The following SYNJ2BP variants were observed in gnomAD, a reference collection of about 807,000 sequenced individuals.
SYNJ2BP encodes the protein synaptojanin-2-binding protein.
In SYNJ2BP, 10 loss-of-function variants were observed where a neutral mutation model predicts 16.9. The observed-to-expected ratio is 0.59, with a 90% confidence interval of 0.36 to 1.00. The LOEUF (loss-of-function observed/expected upper bound fraction) is 1.00. Ranked by LOEUF, SYNJ2BP falls within the 50% of genes least tolerant of loss-of-function variation. SYNJ2BP has a pLI of 0.01. For missense variants in SYNJ2BP, 162 were observed against 186.7 expected, an observed-to-expected ratio of 0.87 and a Z score of 0.77; for synonymous variants, 54 against 68.4, an observed-to-expected ratio of 0.79 and a Z score of 1.04.
chr14:70,385,512 C>T (rs556070070), intron 2 of SYNJ2BP, among the ~76,000 whole-genome samples: 3 of 151,892 alleles, frequency 2.0e-5, no homozygotes, highest in African/African-American at 4.8e-5. Context: ...GCGCGTGCAC[C>T]AAGGCGCGTG....
At chr14:70,390,612 G>A (rs1199228314) in intron 1 of SYNJ2BP, among the ~76,000 whole-genome samples, 2 of 151,320 alleles carry the variant, frequency 1.3e-5, no homozygotes, top group Non-Finnish European at 1.5e-5. Context: ...AGTTTGCAGT[G>A]AGCTGAGATT....
chr14:70,402,667 A>T (rs1252082160), intron 1 of SYNJ2BP, among the ~76,000 whole-genome samples: 2 of 23,334 alleles, frequency 8.6e-5, no homozygotes, highest in Non-Finnish European at 2.3e-4. Flanking sequence ...AGCCTGCTTT[A>T]AAAAAAAAAA....
At chr14:70,387,633 C>A (rs867819973) in intron 2 of SYNJ2BP, among the ~76,000 whole-genome samples, 21 of 152,084 alleles carry the variant, frequency 1.4e-4, no homozygotes, top group Non-Finnish European at 1.5e-4. Flanking sequence ...AGTTCGAGAC[C>A]AGCCTAGCCA....
At chr14:70,412,207 T>C (rs1375309766) in intron 1 of SYNJ2BP, among the ~76,000 whole-genome samples, 22 of 152,152 alleles carry the variant, frequency 1.4e-4, no homozygotes, top group Admixed American at 1.4e-3. Context: ...CAAATGCTTC[T>C]GGGAATAAGG....
At chr14:70,401,540 T>TTTTTTTTTTTTTTGTTC (rs398025565) in intron 1 of SYNJ2BP, among the ~76,000 whole-genome samples, 1 of 149,128 alleles carries the variant, frequency 6.7e-6, no homozygotes, top group African/African-American at 2.5e-5. Flanking sequence ...TTTTTTTTTT[T>TTTTTTTTTTTTTTGTTC]CAGTCAATTG....
chr14:70,393,337 CT>C (rs1342671982), intron 1 of SYNJ2BP, among the ~76,000 whole-genome samples: 1 of 152,184 alleles, frequency 6.6e-6, no homozygotes, highest in African/African-American at 2.4e-5. Context: ...AATGGGGATG[CT>C]TTTACACTGT....
chr14:70,417,068 A>G lies in SYNJ2BP; in HGVS notation c.-105T>C. On this transcript the variant is annotated 5_prime_UTR_variant, in exon 1 of 4. Transcript: ENST00000256366. ...CCCACAGCACAGCGGTTTCGGTTTC[A>G]GCAGCCTCGAGACCCGGAAAAGGAA... The G allele has an allele frequency of 6.4e-7, 1 of 1,559,096 alleles. No homozygotes were observed. Among genetic ancestry groups the G allele is most frequent in the Admixed American group, 1.7e-5 (1 of 57,554 alleles).
At chr14:70,408,143 A>G (rs1269235641) in intron 1 of SYNJ2BP, among the ~76,000 whole-genome samples, 4 of 150,940 alleles carry the variant, frequency 2.7e-5, no homozygotes, top group Admixed American at 1.3e-4. Flanking sequence ...CTATTGCAGT[A>G]ATAGGGTTTT....
intron 1 of SYNJ2BP, among the ~76,000 whole-genome samples, chr14:70,391,815 T>C (rs533938947): frequency 1.3e-5 from 2 of 152,344 alleles, no homozygotes; most frequent in East Asian, 1.9e-4. Context: ...AGTCATATTA[T>C]ATAGGTACAT....
At chr14:70,409,065 A>ATGTTT (rs1265572940) in intron 1 of SYNJ2BP, among the ~76,000 whole-genome samples, 2 of 151,984 alleles carry the variant, frequency 1.3e-5, no homozygotes, top group Admixed American at 6.6e-5. Flanking sequence ...AACACAGCTA[A>ATGTTT]TGTTTTGTTT....
At chr14:70,385,906 C>G (rs1887850096) in intron 2 of SYNJ2BP, among the ~76,000 whole-genome samples, 1 of 152,212 alleles carries the variant, frequency 6.6e-6, no homozygotes, top group South Asian at 2.1e-4. Context: ...GCACAATAAT[C>G]ATGCCCACCT....
rs1054931285 is a variant in SYNJ2BP, at chr14:70,369,749, A to T, written c.*3242T>A. On this transcript the variant is annotated 3_prime_UTR_variant, in exon 4 of 4. Coordinates refer to ENST00000256366, the MANE Select transcript of SYNJ2BP (RefSeq NM_018373.3). ...GTTAAATCGATAACACATAAGTTGAAACTTCACAGGAAAACAAAGTACAGC... is the reference window on the plus strand; with the variant it reads ...GTTAAATCGATAACACATAAGTTGATACTTCACAGGAAAACAAAGTACAGC... 6.6e-6 allele frequency: 1 copy of T among 152,238 alleles called. No individual in the cohort carries two copies. Among genetic ancestry groups the T allele is most frequent in the Admixed American group, 6.5e-5 (1 of 15,288 alleles). 9.4% of individuals were successfully genotyped at this position (152,238 alleles called of 1,614,324 possible).
intron 1 of SYNJ2BP, among the ~76,000 whole-genome samples, chr14:70,402,294 T>A (rs1888256819): frequency 6.6e-6 from 1 of 152,202 alleles, no homozygotes; most frequent in African/African-American, 2.4e-5. Context: ...ACAGCAGTTG[T>A]TTATGGTGAA....
intron 1 of SYNJ2BP, among the ~76,000 whole-genome samples, chr14:70,415,513 T>C (rs981749261): frequency 3.5e-5 from 5 of 143,792 alleles, no homozygotes; most frequent in African/African-American, 1.0e-4. Context: ...ATCGTGCCAC[T>C]GCACTCTAGC....
chr14:70,412,522 G>GTA (rs374488352), intron 1 of SYNJ2BP, among the ~76,000 whole-genome samples: 61 of 7,392 alleles, frequency 8.3e-3, no homozygotes, highest in African/African-American at 0.011. Flanking sequence ...TATATATACA[G>GTA]TATATATGTA....
chr14:70,384,359 G>T (rs1887814550), intron 2 of SYNJ2BP, among the ~76,000 whole-genome samples: 2 of 152,042 alleles, frequency 1.3e-5, no homozygotes, highest in South Asian at 4.2e-4. Context: ...AACTAAATGA[G>T]AATTTAGACT....
At chr14:70,411,758 T>G (rs760117459) in intron 1 of SYNJ2BP, among the ~76,000 whole-genome samples, 1 of 152,242 alleles carries the variant, frequency 6.6e-6, no homozygotes, top group Non-Finnish European at 1.5e-5. Flanking sequence ...ATTCTTGAAC[T>G]TTCCCAACAC....
chr14:70,412,625 T>A (rs77507848), intron 1 of SYNJ2BP, among the ~76,000 whole-genome samples: 1 of 149,516 alleles, frequency 6.7e-6, no homozygotes, highest in African/African-American at 2.5e-5. Context: ...TATATGTATA[T>A]ATAGTAACTA....
intron 2 of SYNJ2BP, among the ~76,000 whole-genome samples, chr14:70,386,761 T>G (rs1282215914): frequency 3.9e-5 from 6 of 152,222 alleles, no homozygotes; most frequent in Admixed American, 3.9e-4. Context: ...ATATGACCTT[T>G]AATCACTAAT....
Sources: gnomAD v4.1 joint callset for allele counts (sites outside exome capture counted in the v4.1 genomes callset) on GRCh38, gnomAD v4.1.1 for gene constraint, MANE v1.5 for transcripts, NCBI Gene and HGNC (gene_info 2026-07-23, HGNC 2026-07-21) for gene names.